Variants in SMARCAL1 observed in about 807,000 individuals in gnomAD.
SMARCAL1 encodes the protein ATP-driven annealing helicase.
SMARCAL1 carries 58 observed loss-of-function variants against 94.5 expected under a neutral mutation model. The ratio of observed to expected loss-of-function variants is 0.61; its 90% CI spans 0.50 to 0.76. The LOEUF (loss-of-function observed/expected upper bound fraction) is 0.76. SMARCAL1 is among the 30% of genes least tolerant of loss of function. SMARCAL1 has a pLI of 0.00. For missense variants in SMARCAL1, 1,051 were observed against 1,177.9 expected (o/e 0.89, Z 1.58); for synonymous variants, 422 against 455.1 (o/e 0.93, Z 0.93).
intron 7 of SMARCAL1, among the ~76,000 whole-genome samples, chr2:216,430,709 A>G (rs1693942911): frequency 6.6e-6 from 1 of 152,210 alleles, no homozygotes; most frequent in Non-Finnish European, 1.5e-5. Flanking sequence ...AAGGATGCGG[A>G]TAGACCAAAC....
chr2:216,441,463 A>G (rs1694194966), intron 10 of SMARCAL1, among the ~76,000 whole-genome samples: 1 of 152,236 alleles, frequency 6.6e-6, no homozygotes. Flanking sequence ...CAACAGAAAA[A>G]GCCACTGTTA....
intron 15 of SMARCAL1, among the ~76,000 whole-genome samples, chr2:216,476,481 T>A (rs1396991478): frequency 6.6e-6 from 1 of 151,938 alleles, no homozygotes; most frequent in Non-Finnish European, 1.5e-5. Context: ...CATGCCTAAT[T>A]TTTGTATTTT....
intron 6 of SMARCAL1, 52 bp from the exon 7 acceptor site, chr2:216,428,544 A>G (rs377063360): frequency 2.6e-6 from 4 of 1,568,190 alleles, no homozygotes; most frequent in Admixed American, 1.7e-5. Flanking sequence ...TCTTTCTCCA[A>G]ATCTTTTGGG....
chr2:216,437,977 T>A (rs1447313324), intron 9 of SMARCAL1, among the ~76,000 whole-genome samples: 1 of 152,182 alleles, frequency 6.6e-6, no homozygotes, highest in East Asian at 1.9e-4. Flanking sequence ...CGGTTGTCAG[T>A]GTGTCTGGCA....
chr2:216,445,904 C>A (rs982019894), intron 10 of SMARCAL1, among the ~76,000 whole-genome samples: 1 of 152,148 alleles, frequency 6.6e-6, no homozygotes, highest in African/African-American at 2.4e-5. Flanking sequence ...TTTTATGAGG[C>A]AGTGTATCCA....
intron 5 of SMARCAL1, among the ~76,000 whole-genome samples, chr2:216,422,790 C>T (rs1693752647): frequency 6.6e-6 from 1 of 152,190 alleles, no homozygotes; most frequent in Non-Finnish European, 1.5e-5. Flanking sequence ...TGAGACCAAG[C>T]TTTCTTGATT....
Position 216,423,739 on chromosome 2 carries a change from C to A in SMARCAL1, c.1147+56C>A. 9.0e-6 allele frequency: 13 copies of A among 1,438,908 alleles called. No individual in the cohort carries two copies. The South Asian group carries it at 1.5e-4, about 16-fold the overall frequency. 89.1% of individuals were successfully genotyped at this position (1,438,908 alleles called of 1,614,324 possible). ...ATGCTATTGTTAAGCTTTAATAATT[C>A]ACCTTAAATTTGATGTATTTTTGAA... On this transcript the variant is annotated intron_variant, in intron 6 of 17. Coordinates refer to ENST00000357276, the MANE Select transcript of SMARCAL1 (RefSeq NM_014140.4).
rs765151021 is a variant in SMARCAL1 at position 216,414,904 on chromosome 2, A to G, written c.200A>G (p.His67Arg). 6 of 1,614,232 alleles carry G rather than the reference A, an allele frequency of 3.7e-6. No individual in the cohort carries two copies. The highest frequency in any genetic ancestry group is 5.1e-6 in the Non-Finnish European group (6 of 1,180,038). Residue 67 changes from histidine (H) to arginine (R), a missense_variant, in exon 3 of 18, where the codon CAT becomes CGT. Coordinates refer to ENST00000357276, the MANE Select transcript of SMARCAL1 (RefSeq NM_014140.4). ...AGGGAGTCTTGTAAGCCAGTGAGCC[A>G]TGGTGTCATTTTCAAGCAACAGAAT... ...FPRESCKPVS[H>R]GVIFKQQNLS...
At chr2:216,425,598 A>G (rs887453065) in intron 6 of SMARCAL1, among the ~76,000 whole-genome samples, 5 of 152,202 alleles carry the variant, frequency 3.3e-5, no homozygotes, top group African/African-American at 9.7e-5. Flanking sequence ...CCTGCCATTC[A>G]GCGGGTCCCA....
chr2:216,426,573 G>A (rs924219162), intron 6 of SMARCAL1, among the ~76,000 whole-genome samples: 2 of 151,830 alleles, frequency 1.3e-5, no homozygotes, highest in Admixed American at 6.6e-5. Context: ...CTGAGAAAAG[G>A]TTGGGCCCAG....
chr2:216,455,755 CAG>C (rs1157139970), intron 12 of SMARCAL1, among the ~76,000 whole-genome samples: 4 of 152,206 alleles, frequency 2.6e-5, no homozygotes, highest in Non-Finnish European at 5.9e-5. Flanking sequence ...GGGGAAAAAA[CAG>C]AGCAGAAAAA....
rs973104387 is a variant in SMARCAL1, at chr2:216,462,834, A to T, written c.2071-1763A>T. 1.1e-4 allele frequency among the ~76,000 whole-genome samples: 17 copies of T among 151,632 alleles called. No homozygotes were observed. In the South Asian group the frequency reaches 1.3e-3, roughly 11 times the overall value. On this transcript the variant is annotated intron_variant, in intron 12 of 17. Transcript: ENST00000357276. ...GATCCTGTCTCTACAAAAAATAAAA[A>T]AAAAAAAAAAGCTGGTGTGGTGGTG...
rs1693694366 is a variant in SMARCAL1, at chr2:216,420,445, C to T, written c.1009C>T (p.Leu337Phe). 2 of 1,614,064 alleles carry T rather than the reference C, an allele frequency of 1.2e-6. No individual in the cohort carries two copies. Among genetic ancestry groups the T allele is most frequent in the Non-Finnish European group, 1.7e-6 (2 of 1,180,032 alleles). The change falls in exon 5 of 18, where the codon CTC becomes TTC. Residue 337 changes from leucine (L) to phenylalanine (F), a missense_variant. By Grantham distance (22) the Leu-to-Phe change is conservative. Transcript: ENST00000357276. The stretch of plus-strand genomic sequence containing the variant: ...TTCATTTGTCAAAGGGCGATGCATG[C>T]TCATCTCCAGGGCCTACTTCGAGGC... ...SLSFVKGRCM[L>F]ISRAYFEADI...
chr2:216,424,550 A>G (rs777043150), intron 6 of SMARCAL1, among the ~76,000 whole-genome samples: 31 of 152,334 alleles, frequency 2.0e-4, no homozygotes, highest in Non-Finnish European at 4.1e-4. Flanking sequence ...GTCATTGGCC[A>G]TCTTCCCTGG....
chr2:216,459,454 C>A (rs1015399820), intron 12 of SMARCAL1, among the ~76,000 whole-genome samples: 9 of 152,154 alleles, frequency 5.9e-5, no homozygotes, highest in African/African-American at 2.2e-4. Context: ...GCTACAGTAA[C>A]CAAAACAGCA....
At chr2:216,467,881 C>G in intron 13 of SMARCAL1, 63 bp from the exon 14 acceptor site, 1 of 1,006,320 alleles carries the variant, frequency 9.9e-7, no homozygotes, top group Non-Finnish European at 1.6e-6. Flanking sequence ...AGTAACATAC[C>G]AGAGACACAT....
chr2:216,481,241 G>A (rs1302893111), intron 17 of SMARCAL1, among the ~76,000 whole-genome samples: 1 of 152,082 alleles, frequency 6.6e-6, no homozygotes, highest in Non-Finnish European at 1.5e-5. Context: ...CACCCAGGCT[G>A]GAGTACAGTG....
intron 14 of SMARCAL1, among the ~76,000 whole-genome samples, 188 bp downstream of exon 14, chr2:216,468,234 T>G (rs1333727976): frequency 6.6e-6 from 1 of 152,224 alleles, no homozygotes. Context: ...CCATGTCATT[T>G]TAACTTCCTC....
At chr2:216,477,286 A>C (rs902606414) in intron 16 of SMARCAL1, 77 bp downstream of exon 16, 4 of 1,056,944 alleles carry the variant, frequency 3.8e-6, no homozygotes, top group South Asian at 1.4e-5. Flanking sequence ...TTTGCTCCCA[A>C]AGTGCTTCTG....
Sources: gnomAD v4.1 joint callset for allele counts (sites outside exome capture counted in the v4.1 genomes callset) on GRCh38, gnomAD v4.1.1 for gene constraint, MANE v1.5 for transcripts, NCBI Gene and HGNC (gene_info 2026-07-23, HGNC 2026-07-21) for gene names.